Variants in TMEM106B observed in about 807,000 individuals in gnomAD.
TMEM106B encodes the protein transmembrane protein 106B.
TMEM106B carries 15 observed loss-of-function variants against 31.1 expected under a neutral mutation model. That is an observed-to-expected ratio of 0.48 (90% CI 0.32 to 0.74). The LOEUF is 0.74. Among genes scored for constraint, TMEM106B ranks in the 30% least tolerant of loss-of-function variants. TMEM106B has a pLI of 0.03. For synonymous variants in TMEM106B, 126 were observed against 112.5 expected (o/e 1.12, Z -0.76); for missense variants, 283 against 327.3 (o/e 0.86, Z 1.04).
chr7:12,214,470 C>T (rs1186497932), intron 1 of TMEM106B: 2 of 214,896 alleles, frequency 9.3e-6, no homozygotes, highest in African/African-American at 4.6e-5. Flanking sequence ...CCTGGACACC[C>T]CCCAGCCTTC....
At chr7:12,212,493 G>GT (rs56761518) in intron 1 of TMEM106B, among the ~76,000 whole-genome samples, 84,770 of 148,670 alleles carry the variant, frequency 0.57, 23,988 homozygotes, top group Non-Finnish European at 0.61. Context: ...TAAATACATA[G>GT]TTTTTTTTTT....
rs71027485 is a variant in TMEM106B at position 12,237,816 on chromosome 7, TACACAC to T, written c.*5876_*5881del. The T allele has an allele frequency of 0.02, 2,557 of 124,786 alleles. 46 individuals carry two copies. Among genetic ancestry groups the T allele is most frequent in the African/African-American group, 0.044 (1,459 of 33,144 alleles). 7.7% of individuals were successfully genotyped at this position (124,786 alleles called of 1,614,324 possible). The stretch of plus-strand genomic sequence containing the variant: ...CGAGACCCCATATAAAATATATACA[TACACAC>T]ACACACACACACACACACACACACA... On this transcript the variant is annotated 3_prime_UTR_variant, in exon 8 of 8. Coordinates refer to ENST00000396668, the MANE Select transcript of TMEM106B (RefSeq NM_001134232.2).
In TMEM106B at chr7:12,233,761, T is replaced by A. The variant is rs71536876; in HGVS notation, c.*1786T>A. ...ACTTCTCTGATACAGGTTCTGTTTGTATTTTTTATATCATTCTCATTTTCT... is the reference window on the plus strand; with the variant it reads ...ACTTCTCTGATACAGGTTCTGTTTGAATTTTTTATATCATTCTCATTTTCT... On this transcript the variant is annotated 3_prime_UTR_variant, in exon 8 of 8. Coordinates refer to ENST00000396668, the MANE Select transcript of TMEM106B (RefSeq NM_001134232.2). 2 of 151,598 alleles carry A rather than the reference T, an allele frequency of 1.3e-5. No individual in the cohort carries two copies. The highest frequency in any genetic ancestry group is 3.0e-5 in the Non-Finnish European group (2 of 67,668). 9.4% of individuals were successfully genotyped at this position (151,598 alleles called of 1,614,324 possible).
chr7:12,223,459 T>G (rs1306178297), intron 3 of TMEM106B, among the ~76,000 whole-genome samples: 1 of 152,080 alleles, frequency 6.6e-6, no homozygotes, highest in Non-Finnish European at 1.5e-5. Flanking sequence ...CTCAGCATGA[T>G]TAGCTATTTT....
chr7:12,212,764 C>G (rs767196912), intron 1 of TMEM106B, among the ~76,000 whole-genome samples: 1 of 152,130 alleles, frequency 6.6e-6, no homozygotes, highest in Non-Finnish European at 1.5e-5. Flanking sequence ...AGGCTCCTAT[C>G]AGGCATGCCA....
intron 3 of TMEM106B, 148 bp downstream of exon 3, chr7:12,218,669 T>A: frequency 1.5e-6 from 1 of 655,478 alleles, no homozygotes; most frequent in Non-Finnish European, 2.5e-6. Flanking sequence ...TTTGTATCCT[T>A]AAACAGACAA....
At position 12,243,158 on chromosome 7, in the gene TMEM106B, C is replaced by A. The variant is rs1782263324; in HGVS notation, c.*11183C>A. ...TCAATAGTGGCATTGTCACATGATT[C>A]AAGAAGAGGAGGCCATTACATTACT... On this transcript the variant is annotated 3_prime_UTR_variant, in exon 8 of 8. Transcript: ENST00000396668. The A allele has an allele frequency of 6.6e-6, 1 of 151,948 alleles. No homozygotes were observed. Among genetic ancestry groups the A allele is most frequent in the Non-Finnish European group, 1.5e-5 (1 of 67,926 alleles). The allele number at this position is 151,948 out of a possible 1,614,324, so 9.4% of individuals were successfully genotyped here.
chr7:12,215,112 C>T, intron 2 of TMEM106B, 85 bp downstream of exon 2: 1 of 1,145,924 alleles, frequency 8.7e-7, no homozygotes, highest in East Asian at 2.4e-5. Context: ...CAGGAACCAC[C>T]TGTTTTAGAG....
At chr7:12,222,038 GATT>G (rs779828331) in intron 3 of TMEM106B, among the ~76,000 whole-genome samples, 12 of 152,132 alleles carry the variant, frequency 7.9e-5, no homozygotes, top group Non-Finnish European at 1.3e-4. Context: ...TGATTTGTAA[GATT>G]ATTAGAAAAT....
chr7:12,212,644 A>G (rs923398508), intron 1 of TMEM106B, among the ~76,000 whole-genome samples: 1 of 152,138 alleles, frequency 6.6e-6, no homozygotes, highest in Non-Finnish European at 1.5e-5. Context: ...TATTTTGTGT[A>G]TATTCATGGA....
In TMEM106B at chr7:12,218,633, C is replaced by T. The variant is rs190195222; in HGVS notation, c.281+112C>T. The T allele has an allele frequency of 5.2e-4, 434 of 830,448 alleles. 2 individuals are homozygous for T. The highest frequency in any genetic ancestry group is 1.6e-4 in the Non-Finnish European group (85 of 539,196). The allele number at this position is 830,448 out of a possible 1,614,324, so 51.4% of individuals were successfully genotyped here. A position where few individuals can be genotyped will look rare whatever the true frequency, so the allele number is the denominator to read the frequency against. On this transcript the variant is annotated intron_variant, in intron 3 of 7. Coordinates refer to ENST00000396668, the MANE Select transcript of TMEM106B (RefSeq NM_001134232.2). ...ACTATTAAAAGAAAAAATGCTGTCA[C>T]GTAGTTAAATTATGTCATCATATGC...
At chr7:12,217,173 C>G (rs73301032) in intron 2 of TMEM106B, among the ~76,000 whole-genome samples, 19,039 of 151,952 alleles carry the variant, frequency 0.13, 1,304 homozygotes, top group African/African-American at 0.15. Context: ...ATCTACTGCA[C>G]AAGAACAAAG....
rs1488727268 is a variant in TMEM106B, at chr7:12,242,600, A to G, written c.*10625A>G. 6.6e-6 allele frequency: 1 copy of G among 152,058 alleles called. No individual in the cohort carries two copies. Among genetic ancestry groups the G allele is most frequent in the African/African-American group, 2.4e-5 (1 of 41,418 alleles). 9.4% of individuals were successfully genotyped at this position (152,058 alleles called of 1,614,324 possible). On this transcript the variant is annotated 3_prime_UTR_variant, in exon 8 of 8. Coordinates refer to ENST00000396668, the MANE Select transcript of TMEM106B (RefSeq NM_001134232.2). ...TGAAATATAAACTTTTATGCATCTG[A>G]TATTATCTAATTGTGTCCTTACTGG...
In TMEM106B at chr7:12,237,295, A is replaced by G. The variant is rs574672174; in HGVS notation, c.*5320A>G. 2 of 152,312 alleles carry G rather than the reference A, an allele frequency of 1.3e-5. No homozygotes were observed. The highest frequency in any genetic ancestry group is 4.8e-5 in the African/African-American group (2 of 41,572). The allele number at this position is 152,312 out of a possible 1,614,324, so 9.4% of individuals were successfully genotyped here. A position where few individuals can be genotyped will look rare whatever the true frequency, so the allele number is the denominator to read the frequency against. The stretch of plus-strand genomic sequence containing the variant: ...GCTATGCTTTTGAAATTTCCTTAAC[A>G]TAAACAAATCAGTGTAGATATTCAA... On this transcript the variant is annotated 3_prime_UTR_variant, in exon 8 of 8. Transcript: ENST00000396668.
chr7:12,220,311 C>A (rs1003166506), intron 3 of TMEM106B, among the ~76,000 whole-genome samples: 3 of 152,062 alleles, frequency 2.0e-5, no homozygotes, highest in Admixed American at 2.0e-4. Context: ...TGAACTTTTA[C>A]AGGATGAAGA....
rs1161301751 is a variant in TMEM106B, at chr7:12,239,940, T to C, written c.*7965T>C. On this transcript the variant is annotated 3_prime_UTR_variant, in exon 8 of 8. Transcript: ENST00000396668. Reference sequence around the variant, plus strand: ...ATGCTGTTGAAAAAAATGGCACTCATAGACTTGTTGGACACAGGATTGAAA... The same window carrying C: ...ATGCTGTTGAAAAAAATGGCACTCACAGACTTGTTGGACACAGGATTGAAA... 1 of 152,174 alleles carries C rather than the reference T, an allele frequency of 6.6e-6. No homozygotes were observed. The highest frequency in any genetic ancestry group is 2.4e-5 in the African/African-American group (1 of 41,458). The allele number at this position is 152,174 out of a possible 1,614,324, so 9.4% of individuals were successfully genotyped here.
At chr7:12,212,035 G>T (rs1196003267) in intron 1 of TMEM106B, among the ~76,000 whole-genome samples, 1 of 152,102 alleles carries the variant, frequency 6.6e-6, no homozygotes, top group Non-Finnish European at 1.5e-5. Flanking sequence ...AATAAAAGTG[G>T]TTACACTTGT....
intron 1 of TMEM106B, among the ~76,000 whole-genome samples, chr7:12,213,683 A>C (rs531869723): frequency 1.4e-4 from 22 of 152,364 alleles, no homozygotes; most frequent in African/African-American, 5.3e-4. Context: ...TTTGTTTAAA[A>C]AAACACTTCT....
chr7:12,237,527 G>C lies in TMEM106B; in HGVS notation c.*5552G>C, dbSNP rs374721237. ...CATACCTTGGATATATTGCAGGTTT[G>C]GTTCCACACCATATCGATAAAGTGA... is the stretch of plus-strand genomic sequence containing the variant. On this transcript the variant is annotated 3_prime_UTR_variant, in exon 8 of 8. Coordinates refer to ENST00000396668, the MANE Select transcript of TMEM106B (RefSeq NM_001134232.2). 3.9e-5 allele frequency: 6 copies of C among 152,004 alleles called. No individual in the cohort carries two copies. The South Asian group carries it at 6.2e-4, about 16-fold the overall frequency. The allele number at this position is 152,004 out of a possible 1,614,324, so 9.4% of individuals were successfully genotyped here. A position where few individuals can be genotyped will look rare whatever the true frequency, so the allele number is the denominator to read the frequency against.
Sources: allele counts gnomAD v4.1 joint callset (sites outside exome capture counted in the v4.1 genomes callset), GRCh38; gene constraint gnomAD v4.1.1; transcripts MANE v1.5; gene names NCBI Gene and HGNC (gene_info 2026-07-23, HGNC 2026-07-21).